Variants in SOBP observed in about 807,000 individuals in gnomAD.
The protein encoded by SOBP is sine oculis-binding protein homolog.
A neutral mutation model predicts 53.6 loss-of-function variants in SOBP; 4 were observed. The ratio of observed to expected loss-of-function variants is 0.07; its 90% confidence interval spans 0.04 to 0.17. SOBP has a LOEUF of 0.17. Among genes scored for constraint, SOBP ranks in the 10% least tolerant of loss-of-function variants. The probability of loss-of-function intolerance (pLI) is 1.00; values close to 1 mark genes in which losing one functional copy is unlikely to be tolerated. For missense variants in SOBP, 1,088 were observed against 1,204.7 expected, an observed-to-expected ratio of 0.90 and a Z score of 1.43; for synonymous variants, 584 against 522.6, an observed-to-expected ratio of 1.12 and a Z score of -1.60.
intron 4 of SOBP, among the ~76,000 whole-genome samples, chr6:107,571,087 G>A (rs572937324): frequency 1.3e-5 from 2 of 152,294 alleles, no homozygotes; most frequent in East Asian, 3.9e-4. Flanking sequence ...GGAGTGTCAG[G>A]GCTGTTGGAC....
At chr6:107,601,708 G>A (rs972018704) in intron 5 of SOBP, among the ~76,000 whole-genome samples, 3 of 152,082 alleles carry the variant, frequency 2.0e-5, no homozygotes, top group South Asian at 2.1e-4. Context: ...CCCCCATTCC[G>A]CTAAATTGAC....
intron 5 of SOBP, among the ~76,000 whole-genome samples, chr6:107,594,451 G>A (rs919382454): frequency 1.2e-4 from 18 of 151,548 alleles, no homozygotes; most frequent in African/African-American, 2.2e-4. Flanking sequence ...TGAAGGGGAC[G>A]GCACAAAGAT....
chr6:107,610,570 A>G (rs1040183532), intron 5 of SOBP, among the ~76,000 whole-genome samples: 1 of 152,232 alleles, frequency 6.6e-6, no homozygotes, highest in African/African-American at 2.4e-5. Context: ...TAGTTGAATC[A>G]GAATCCCCAA....
intron 3 of SOBP, chr6:107,529,720 C>A: frequency 3.6e-6 from 2 of 562,502 alleles, no homozygotes; most frequent in Non-Finnish European, 4.5e-6. Context: ...TCTCAAACAA[C>A]TTCAGCAGGG....
At chr6:107,605,834 G>C (rs1786354289) in intron 5 of SOBP, among the ~76,000 whole-genome samples, 1 of 152,166 alleles carries the variant, frequency 6.6e-6, no homozygotes, top group Admixed American at 6.5e-5. Flanking sequence ...GAGAATCCCA[G>C]GTCCCACCCA....
chr6:107,612,475 T>C (rs1038675536), intron 5 of SOBP, among the ~76,000 whole-genome samples: 2 of 152,186 alleles, frequency 1.3e-5, no homozygotes, highest in African/African-American at 2.4e-5. Flanking sequence ...AAAATTCAGT[T>C]CCAGCAGCAT....
intron 6 of SOBP, among the ~76,000 whole-genome samples, chr6:107,652,151 C>G (rs781749729): frequency 6.6e-6 from 1 of 152,176 alleles, no homozygotes; most frequent in Non-Finnish European, 1.5e-5. Context: ...TCATAAGGCT[C>G]TAGCTGCCAT....
Position 107,634,101 on chromosome 6 carries a change from C to CTCCAACCCCAACAGCCCCCTG in SOBP, c.1268_1288dup (p.Asn423_Pro429dup). 6.2e-7 allele frequency: 1 copy of CTCCAACCCCAACAGCCCCCTG among 1,602,692 alleles called. No homozygotes were observed. The highest frequency in any genetic ancestry group is 8.5e-7 in the Non-Finnish European group (1 of 1,174,492). ...TCATCCGCGGGCCTCCGCACCATGC[C>CTCCAACCCCAACAGCCCCCTG]TCCAACCCCAACAGCCCCCTGTCCA... On this transcript the variant is annotated inframe_insertion, in exon 6 of 7. Transcript: ENST00000317357. The surrounding 1 kb of genome is among the most constrained non-coding windows in gnomAD (Gnocchi z 4.5).
At chr6:107,538,948 G>A (rs12215885) in intron 4 of SOBP, among the ~76,000 whole-genome samples, 2,856 of 152,074 alleles carry the variant, frequency 0.019, 45 homozygotes, top group East Asian at 0.054. Flanking sequence ...GTGTAGGTCC[G>A]TTTAAAGTGA....
chr6:107,511,406 G>A (rs758769105), intron 3 of SOBP: 5 of 152,206 alleles, frequency 3.3e-5, no homozygotes, highest in Non-Finnish European at 7.3e-5. Flanking sequence ...TTCTAAAAGC[G>A]TGGATGGCCC....
chr6:107,493,956 T>TA (rs1782639451), intron 1 of SOBP, among the ~76,000 whole-genome samples: 1 of 152,264 alleles, frequency 6.6e-6, no homozygotes, highest in Non-Finnish European at 1.5e-5. Flanking sequence ...TTAAATTTGA[T>TA]ACAATATAAT....
At chr6:107,539,350 T>C (rs1435388635) in intron 4 of SOBP, among the ~76,000 whole-genome samples, 1 of 152,200 alleles carries the variant, frequency 6.6e-6, no homozygotes, top group African/African-American at 2.4e-5. Context: ...GTTCAACATT[T>C]TTCAGTGAGC....
chr6:107,616,584 T>C (rs148963870), intron 5 of SOBP, among the ~76,000 whole-genome samples: 3 of 152,304 alleles, frequency 2.0e-5, no homozygotes, highest in Admixed American at 1.3e-4. Flanking sequence ...AGTTAAATGG[T>C]GTTTTGCTCT....
At chr6:107,619,953 G>A (rs933973526) in intron 5 of SOBP, among the ~76,000 whole-genome samples, 1 of 152,174 alleles carries the variant, frequency 6.6e-6, no homozygotes, top group African/African-American at 2.4e-5. Flanking sequence ...GTAATACCTG[G>A]AAGGTTATGG....
intron 6 of SOBP, among the ~76,000 whole-genome samples, chr6:107,641,058 T>C (rs1371341563): frequency 6.6e-6 from 1 of 152,262 alleles, no homozygotes; most frequent in African/African-American, 2.4e-5. Context: ...CCATAGATTT[T>C]GGCTCCAGAA....
intron 5 of SOBP, among the ~76,000 whole-genome samples, chr6:107,614,780 AT>A (rs1210853404): frequency 6.6e-6 from 1 of 152,216 alleles, no homozygotes; most frequent in African/African-American, 2.4e-5. Flanking sequence ...CTGGATTGTT[AT>A]TTGCTGAATG....
Position 107,512,916 on chromosome 6 carries a change from A to T in SOBP, c.421+6489A>T, listed in dbSNP as rs1783212599. On this transcript the variant is annotated intron_variant, in intron 3 of 6. Transcript: ENST00000317357. ...CAGAGGCTTACAACTTGCCTATTCC[A>T]AGTCCAGAATCCCTGTAAATCTCTG... is the stretch of plus-strand genomic sequence containing the variant. Among the ~76,000 whole-genome samples, 3 of 152,314 alleles carry T rather than the reference A, an allele frequency of 2.0e-5. No individual in the cohort carries two copies. The South Asian group carries it at 6.2e-4, about 32-fold the overall frequency.
chr6:107,515,077 C>T (rs1562583284), intron 3 of SOBP: 1 of 152,150 alleles, frequency 6.6e-6, no homozygotes, highest in Non-Finnish European at 1.5e-5. Flanking sequence ...TAGAACTAAT[C>T]ATTTTGATGT....
intron 4 of SOBP, among the ~76,000 whole-genome samples, chr6:107,571,829 A>G (rs1226634646): frequency 1.3e-5 from 2 of 152,226 alleles, no homozygotes; most frequent in South Asian, 2.1e-4. Context: ...CATTTTGATT[A>G]TATCTTTGTA....
Sources: allele counts gnomAD v4.1 joint callset (sites outside exome capture counted in the v4.1 genomes callset), GRCh38; gene constraint gnomAD v4.1.1; non-coding constraint Gnocchi (gnomAD v3.1); transcripts MANE v1.5; gene names NCBI Gene and HGNC (gene_info 2026-07-23, HGNC 2026-07-21).